The following GCNA variants were observed in gnomAD, a reference collection of about 807,000 sequenced individuals.
GCNA encodes the protein germ cell nuclear acidic peptidase.
GCNA carries 3 observed loss-of-function variants against 38.8 expected under a neutral mutation model. The observed-to-expected ratio is 0.08, with a 90% CI of 0.04 to 0.20. GCNA has a LOEUF of 0.20. GCNA is among the 10% of genes least tolerant of loss of function. GCNA has a pLI of 1.00. For synonymous variants in GCNA, 195 were observed against 240.2 expected, an observed-to-expected ratio of 0.81 and a Z score of 1.74; for missense variants, 446 against 578.6, an observed-to-expected ratio of 0.77 and a Z score of 2.35.
chrX:71,605,821 A>G, intron 9 of GCNA, 92 bp downstream of exon 9: 1 of 766,387 alleles, frequency 1.3e-6, no homozygotes, highest in Non-Finnish European at 1.9e-6. Flanking sequence ...GGTGGTCTGC[A>G]AGGGGATGGA....
chrX:71,593,493 C>T (rs1054499530), intron 4 of GCNA, among the ~76,000 whole-genome samples: 25 of 111,646 alleles, frequency 2.2e-4, no homozygotes, highest in Non-Finnish European at 3.8e-4. Flanking sequence ...GGTGGTGCTG[C>T]ATAACTCTCG....
chrX:71,586,376 G>T (rs1194495734), intron 2 of GCNA, among the ~76,000 whole-genome samples: 1 of 111,252 alleles, frequency 9.0e-6, no homozygotes, highest in Non-Finnish European at 1.9e-5. Context: ...CTTTCATGGA[G>T]GAGGTACATA....
intron 7 of GCNA, among the ~76,000 whole-genome samples, chrX:71,602,525 A>G (rs973370454): frequency 6.2e-5 from 7 of 112,277 alleles, no homozygotes; most frequent in Non-Finnish European, 1.3e-4. Context: ...CTGATGATCA[A>G]TGATGTTGAA....
At chrX:71,608,711 A>G (rs1363462490) in intron 9 of GCNA, among the ~76,000 whole-genome samples, 2 of 112,566 alleles carry the variant, frequency 1.8e-5, no homozygotes, top group Non-Finnish European at 3.8e-5. Flanking sequence ...ATTCAGAACT[A>G]GGTCTCAGGA....
At chrX:71,581,709 G>A (rs2040547930) in intron 2 of GCNA, among the ~76,000 whole-genome samples, 2 of 111,307 alleles carry the variant, frequency 1.8e-5, no homozygotes, top group East Asian at 5.6e-4. Context: ...GATTACACAT[G>A]GATCAAATAT....
intron 9 of GCNA, among the ~76,000 whole-genome samples, chrX:71,608,335 C>T (rs1318351211): frequency 1.8e-5 from 2 of 112,085 alleles, no homozygotes; most frequent in African/African-American, 3.2e-5. Flanking sequence ...TGCAGTGGCG[C>T]GATCTCGGCT....
At chrX:71,594,168 C>G (rs1380882727) in intron 4 of GCNA, among the ~76,000 whole-genome samples, 163 bp from the exon 5 acceptor site, 3 of 112,689 alleles carry the variant, frequency 2.7e-5, no homozygotes, top group African/African-American at 9.7e-5. Context: ...TTCACTTGTG[C>G]TGTTGTGATC....
intron 2 of GCNA, among the ~76,000 whole-genome samples, chrX:71,582,857 ATT>A (rs2040556987): frequency 8.9e-6 from 1 of 111,876 alleles, no homozygotes; most frequent in South Asian, 3.7e-4. Flanking sequence ...TTTACAGGGT[ATT>A]TTGGTCTTTG....
chrX:71,602,892 G>A (rs991691854), intron 7 of GCNA, among the ~76,000 whole-genome samples: 1 of 112,287 alleles, frequency 8.9e-6, no homozygotes, highest in Non-Finnish European at 1.9e-5. Flanking sequence ...ATGTTTTCTT[G>A]TAGTAGTTTC....
intron 1 of GCNA, among the ~76,000 whole-genome samples, chrX:71,578,848 G>A (rs1402466850): frequency 9.2e-6 from 1 of 108,500 alleles, no homozygotes; most frequent in Non-Finnish European, 1.9e-5. Context: ...CGCTGGTGGC[G>A]TCATTGCAGA....
chrX:71,604,215 A>G lies in GCNA; in HGVS notation c.938A>G (p.Asp313Gly), dbSNP rs1446843724. The G allele has an allele frequency of 8.2e-7, 1 of 1,212,660 alleles. No individual in the cohort carries two copies. The highest frequency in any genetic ancestry group is 3.0e-5 in the East Asian group (1 of 33,891). Residue 313 changes from aspartate to glycine, a missense_variant, in exon 8 of 13, where the codon GAT (aspartate) becomes GGT (glycine). Asp to Gly is a moderately conservative substitution (Grantham distance 94, BLOSUM62 -1). This residue lies in a region of GCNA where 160 missense variants were observed against 165.2 expected (regional missense o/e 0.97). Transcript: ENST00000373696. Reference protein sequence around the residue: ...EAPDDKSDDSDVPEDKSDDSD... With the variant: ...EAPDDKSDDSGVPEDKSDDSD... ...CCCGACGACAAGAGTGATGATTCGG[A>G]TGTTCCCGAAGACAAGAGTGATGAT...
chrX:71,602,755 C>T (rs925730551), intron 7 of GCNA, among the ~76,000 whole-genome samples: 1 of 111,404 alleles, frequency 9.0e-6, no homozygotes, highest in Non-Finnish European at 1.9e-5. Flanking sequence ...TGATTGTTTC[C>T]TTTGCTGTGC....
In GCNA at chrX:71,612,341, A is replaced by G. The variant is rs1180259777; in HGVS notation, c.1751-14A>G. On this transcript the variant is annotated splice_polypyrimidine_tract_variant and intron_variant, in intron 11 of 12. Coordinates refer to ENST00000373696, the MANE Select transcript of GCNA (RefSeq NM_052957.5). ...GGTTTTAGTGCTCACATTTCTTTTC[A>G]TTCTTCTTTCAAGACCGAATCCGGG... 2 of 1,077,369 alleles carry G rather than the reference A, an allele frequency of 1.9e-6. No homozygotes were observed. The highest frequency in any genetic ancestry group is 3.3e-5 in the East Asian group (1 of 30,503). The allele number at this position is 1,077,369 out of a possible 1,213,427, so 88.8% of individuals were successfully genotyped here.
At chrX:71,609,546 G>A (rs1357090377) in intron 10 of GCNA, among the ~76,000 whole-genome samples, 1 of 112,238 alleles carries the variant, frequency 8.9e-6, no homozygotes. Flanking sequence ...TTCTTCATCT[G>A]TAAAATGGGG....
At chrX:71,588,693 GACA>G (rs1283561036) in intron 2 of GCNA, among the ~76,000 whole-genome samples, 1 of 110,593 alleles carries the variant, frequency 9.0e-6, no homozygotes, top group Non-Finnish European at 1.9e-5. Flanking sequence ...TGGGCGTGGT[GACA>G]CACGCCTGTA....
chrX:71,611,865 A>G (rs1315404461), intron 11 of GCNA, among the ~76,000 whole-genome samples: 3 of 111,471 alleles, frequency 2.7e-5, no homozygotes, highest in East Asian at 2.8e-4. Flanking sequence ...TAGGTTCACT[A>G]TTCACTTTGA....
At chrX:71,580,664 T>G in intron 1 of GCNA, 156 bp from the exon 2 acceptor site, 2 of 414,209 alleles carry the variant, frequency 4.8e-6, no homozygotes, top group Admixed American at 8.9e-5. Flanking sequence ...TTAATAGAGA[T>G]AGGGTTTCAC....
chrX:71,604,587 C>G lies in GCNA; in HGVS notation c.1310C>G (p.Pro437Arg). The change falls in exon 8 of 13, where the codon CCA becomes CGA. Residue 437 changes from proline to arginine, a missense_variant. Pro to Arg is a moderately radical substitution (Grantham distance 103). Around this residue, in one of 7 missense-constraint regions of GCNA, gnomAD observed 160 missense variants for 165.2 expected, o/e 0.97. Coordinates refer to ENST00000373696, the MANE Select transcript of GCNA (RefSeq NM_052957.5). ...RQTKTKNIVEPPRKRQTKTKN... is the reference protein window; with the variant it reads ...RQTKTKNIVERPRKRQTKTKN... Reference sequence around the variant, plus strand: ...ACAAAGACCAAAAATATAGTGGAGCCACCAAGGAAAAGGCAGACAAAGACC... The same window carrying G: ...ACAAAGACCAAAAATATAGTGGAGCGACCAAGGAAAAGGCAGACAAAGACC... 8.3e-7 allele frequency: 1 copy of G among 1,198,050 alleles called. No individual in the cohort carries two copies. Among genetic ancestry groups the G allele is most frequent in the Non-Finnish European group, 1.1e-6 (1 of 888,310 alleles).
At chrX:71,582,139 C>T (rs940174675) in intron 2 of GCNA, among the ~76,000 whole-genome samples, 4 of 107,973 alleles carry the variant, frequency 3.7e-5, no homozygotes, top group Admixed American at 1.0e-4. Context: ...CTGGGCACGG[C>T]GGCTGCACCT....
Sources: gnomAD v4.1 joint callset for allele counts (sites outside exome capture counted in the v4.1 genomes callset) on GRCh38, gnomAD v4.1.1 for gene constraint, gnomAD v4.1.1 regional missense constraint, MANE v1.5 for transcripts, NCBI Gene and HGNC (gene_info 2026-07-23, HGNC 2026-07-21) for gene names.